THSD7B: variants seen among roughly 807,000 people sequenced by gnomAD.
The protein encoded by THSD7B is thrombospondin type 1 domain containing 7B, also known as thrombospondin type-1 domain-containing protein 7B.
Under a neutral mutation model 213.6 loss-of-function variants are expected in THSD7B, and 138 were observed. The observed-to-expected ratio is 0.65, with a 90% CI of 0.56 to 0.74. The LOEUF (loss-of-function observed/expected upper bound fraction) is 0.74. Among genes scored for constraint, THSD7B ranks in the 30% least tolerant of loss-of-function variants. The pLI, the probability that THSD7B is intolerant of heterozygous loss-of-function variation, is 0.00. For synonymous variants in THSD7B, 742 were observed against 687.0 expected (o/e 1.08, Z -1.25); for missense variants, 1,931 against 1,991.5 (o/e 0.97, Z 0.58).
chr2:137,015,412 C>T (rs899883864), intron 2 of THSD7B, among the ~76,000 whole-genome samples: 2 of 152,098 alleles, frequency 1.3e-5, no homozygotes, highest in African/African-American at 4.8e-5. Flanking sequence ...TCTCACGTGT[C>T]CTCAGGGGTT....
At chr2:137,328,309 C>T (rs4954497) in intron 12 of THSD7B, among the ~76,000 whole-genome samples, 87,248 of 152,064 alleles carry the variant, frequency 0.57, 27,040 homozygotes, top group East Asian at 0.75. Flanking sequence ...TGCACAAATA[C>T]AGTCACTAGT....
At chr2:137,445,064 A>G (rs1687508233) in intron 14 of THSD7B, among the ~76,000 whole-genome samples, 1 of 151,846 alleles carries the variant, frequency 6.6e-6, no homozygotes, top group South Asian at 2.1e-4. Flanking sequence ...GAGATATTAT[A>G]TCACCCCAGT....
chr2:137,321,687 G>A (rs1316694515), intron 12 of THSD7B, among the ~76,000 whole-genome samples: 1 of 152,146 alleles, frequency 6.6e-6, no homozygotes, highest in Non-Finnish European at 1.5e-5. Flanking sequence ...AAAGTGGTCT[G>A]CAATAGGAAA....
intron 12 of THSD7B, among the ~76,000 whole-genome samples, chr2:137,302,292 G>A (rs1683625395): frequency 6.6e-6 from 1 of 152,132 alleles, no homozygotes; most frequent in Non-Finnish European, 1.5e-5. Flanking sequence ...AAAAACAGCA[G>A]AGACTGAGGA....
chr2:137,238,148 C>G (rs144288515), intron 9 of THSD7B, among the ~76,000 whole-genome samples: 8 of 152,208 alleles, frequency 5.3e-5, no homozygotes, highest in African/African-American at 1.9e-4. Context: ...GAGATTAATG[C>G]CTACTCCTAA....
At chr2:136,856,363 T>C (rs1359698361) in intron 1 of THSD7B, among the ~76,000 whole-genome samples, 3 of 152,214 alleles carry the variant, frequency 2.0e-5, no homozygotes, top group Non-Finnish European at 2.9e-5. Flanking sequence ...TTTGTTATGT[T>C]TCATCAAAAG....
intron 12 of THSD7B, among the ~76,000 whole-genome samples, chr2:137,292,281 G>A (rs1174671617): frequency 2.0e-5 from 3 of 152,144 alleles, no homozygotes; most frequent in African/African-American, 7.2e-5. Context: ...ATTTTAATCT[G>A]GAGTAGTGCT....
chr2:137,587,486 GATGATAGTGAC>G, intron 17 of THSD7B, among the ~76,000 whole-genome samples: 1 of 152,276 alleles, frequency 6.6e-6, no homozygotes, highest in East Asian at 1.9e-4. Flanking sequence ...TTTGGTCTTT[GATGATAGTGAC>G]GTACAGATGG....
intron 17 of THSD7B, among the ~76,000 whole-genome samples, chr2:137,582,776 T>C (rs1681610194): frequency 6.6e-6 from 1 of 152,194 alleles, no homozygotes; most frequent in South Asian, 2.1e-4. Flanking sequence ...TCTTTGCTCT[T>C]GTGAATACTG....
intron 17 of THSD7B, among the ~76,000 whole-genome samples, chr2:137,591,464 GT>G (rs1236075349): frequency 6.6e-6 from 1 of 151,684 alleles, no homozygotes; most frequent in Non-Finnish European, 1.5e-5. Context: ...GTATATTTCA[GT>G]TTTTAAATTT....
In THSD7B at chr2:137,271,483, TC is replaced by T. The variant is rs1356236813; in HGVS notation, c.2267-1049del. Among the ~76,000 whole-genome samples the T allele has an allele frequency of 6.4e-4, 89 of 139,480 alleles. 4 individuals are homozygous for T. The highest frequency in any genetic ancestry group is 1.7e-3 in the African/African-American group (61 of 36,364). 91.5% of individuals were successfully genotyped at this position (139,480 alleles called of 152,430 possible). ...ATATAATATAATATATAATATAAAA[TC>T]ATATATATATTATTCATTCATATAT... On this transcript the variant is annotated intron_variant, in intron 10 of 27. Transcript: ENST00000409968.
chr2:136,798,542 A>G (rs964977446), intron 1 of THSD7B, among the ~76,000 whole-genome samples: 6 of 151,996 alleles, frequency 3.9e-5, no homozygotes, highest in Admixed American at 2.0e-4. Flanking sequence ...TAGTACCCCT[A>G]TCTGCTTCCC....
intron 12 of THSD7B, among the ~76,000 whole-genome samples, chr2:137,286,827 A>G (rs1683194790): frequency 1.3e-5 from 2 of 152,288 alleles, no homozygotes; most frequent in Admixed American, 6.5e-5. Flanking sequence ...GGGGATGCAG[A>G]GCAACTGTAG....
At chr2:137,502,297 A>G (rs995503785) in intron 15 of THSD7B, among the ~76,000 whole-genome samples, 5 of 151,312 alleles carry the variant, frequency 3.3e-5, no homozygotes, top group African/African-American at 9.7e-5. Context: ...CAGATAGATA[A>G]ATAGATAGAT....
intron 27 of THSD7B, among the ~76,000 whole-genome samples, chr2:137,673,974 T>A (rs888165496): frequency 6.6e-6 from 1 of 152,202 alleles, no homozygotes; most frequent in Non-Finnish European, 1.5e-5. Context: ...TACCTATTAG[T>A]AGCCCCCGCT....
chr2:136,772,501 A>G (rs1333276738), intron 1 of THSD7B, among the ~76,000 whole-genome samples: 2 of 152,190 alleles, frequency 1.3e-5, no homozygotes, highest in Admixed American at 1.3e-4. Context: ...AGACAGACAT[A>G]TTTAGGAAAT....
intron 1 of THSD7B, among the ~76,000 whole-genome samples, chr2:136,784,681 C>G (rs12996558): frequency 0.14 from 21,323 of 152,098 alleles, 2,231 homozygotes; most frequent in Non-Finnish European, 0.22. Flanking sequence ...GTGTTATATA[C>G]AAGATACTTT....
intron 17 of THSD7B, among the ~76,000 whole-genome samples, chr2:137,589,920 A>G (rs1418144076): frequency 6.6e-6 from 1 of 152,216 alleles, no homozygotes. Context: ...CTTAAGGAAC[A>G]AAAGACTAAG....
chr2:137,424,091 G>T (rs1686987067), intron 14 of THSD7B, among the ~76,000 whole-genome samples: 1 of 143,594 alleles, frequency 7.0e-6, no homozygotes, highest in African/African-American at 2.5e-5. Flanking sequence ...AAATGGTGCT[G>T]GAACAACTGA....
Sources: allele counts gnomAD v4.1 joint callset (sites outside exome capture counted in the v4.1 genomes callset), GRCh38; gene constraint gnomAD v4.1.1; transcripts MANE v1.5; gene names NCBI Gene and HGNC (gene_info 2026-07-23, HGNC 2026-07-21).